The following ZNF124 variants were observed in gnomAD, a reference collection of about 807,000 sequenced individuals.
The protein encoded by ZNF124 is zinc finger protein HZF-16.
In ZNF124, 25 loss-of-function variants were observed where a neutral mutation model predicts 26.6. The ratio of observed to expected loss-of-function variants is 0.94; its 90% CI spans 0.68 to 1.31. The LOEUF is 1.31. Among genes scored for constraint, ZNF124 ranks in the 40% most tolerant of loss-of-function variants. The pLI is 0.00. For missense variants in ZNF124, 444 were observed against 422.2 expected (o/e 1.05, Z -0.45); for synonymous variants, 129 against 133.3 (o/e 0.97, Z 0.22).
At chr1:247,125,201 C>T (rs1277917853) in intron 3 of ZNF124, among the ~76,000 whole-genome samples, 4 of 152,138 alleles carry the variant, frequency 2.6e-5, no homozygotes, top group African/African-American at 7.2e-5. Context: ...TTGGCTGTTA[C>T]GAATGCTGCT....
chr1:247,159,370 T>C (rs1263093675), intron 2 of ZNF124, among the ~76,000 whole-genome samples: 1 of 152,214 alleles, frequency 6.6e-6, no homozygotes, highest in East Asian at 1.9e-4. Context: ...TGTGATCCCT[T>C]TGCACATGCC....
intron 3 of ZNF124, among the ~76,000 whole-genome samples, chr1:247,125,063 A>G (rs1467063526): frequency 6.6e-6 from 1 of 152,050 alleles, no homozygotes; most frequent in African/African-American, 2.4e-5. Flanking sequence ...TACGCCTCCC[A>G]AAGTGCTGGG....
intron 1 of ZNF124, 137 bp from the exon 2 acceptor site, chr1:247,159,950 C>T: frequency 6.5e-6 from 4 of 613,142 alleles, no homozygotes; most frequent in South Asian, 2.8e-5. Flanking sequence ...ATGACTCTGT[C>T]TACACTTCCT....
At chr1:247,140,189 ATTC>A (rs1473931368) in intron 3 of ZNF124, among the ~76,000 whole-genome samples, 4 of 152,096 alleles carry the variant, frequency 2.6e-5, no homozygotes, top group Admixed American at 2.6e-4. Flanking sequence ...GTTATTTTTT[ATTC>A]TTTTTAATTT....
At chr1:247,154,572 A>G (rs1673036685), downstream of ZNF124, among the ~76,000 whole-genome samples, 1 of 152,194 alleles carries the variant, frequency 6.6e-6, no homozygotes, top group Non-Finnish European at 1.5e-5. Context: ...AGGGTACTCA[A>G]ATTTCTTTCA....
chr1:247,156,682 C>T lies in ZNF124; in HGVS notation c.940G>A (p.Gly314Arg). 6.2e-7 allele frequency: 1 copy of T among 1,613,640 alleles called. No homozygotes were observed. Among genetic ancestry groups the T allele is most frequent in the Non-Finnish European group, 8.5e-7 (1 of 1,179,872 alleles). ...TTCTGACATTCATAGGGTTTCTCTC[C>T]AGTATGAGTCCTTTCATGGTCACGA... Reference protein sequence around the residue: ...SLRDHERTHTGEKPYECQKCG... With the variant: ...SLRDHERTHTREKPYECQKCG... Residue 314 changes from glycine (G) to arginine (R), a missense_variant, in exon 4 of 4, where the codon GGA becomes AGA. Coordinates refer to ENST00000543802, the MANE Select transcript of ZNF124 (RefSeq NM_001297568.2).
intron 3 of ZNF124, among the ~76,000 whole-genome samples, chr1:247,143,604 A>G (rs1002706016): frequency 1.1e-4 from 16 of 152,202 alleles, no homozygotes; most frequent in Non-Finnish European, 1.6e-4. Flanking sequence ...CTAGAAGTAC[A>G]ATGTTCTAAT....
rs368309439 is a variant in ZNF124 at position 247,156,967 on chromosome 1, T to C, written c.655A>G (p.Asn219Asp). The change falls in exon 4 of 4, where the codon AAT becomes GAT. Residue 219 changes from asparagine (N) to aspartate (D), a missense_variant. Transcript: ENST00000543802. ...GTTCTTTCATGGTAATGAAGGCAATTGGAGTAACGGAAGGCTTTCCCACAG... is the reference window on the plus strand; with the variant it reads ...GTTCTTTCATGGTAATGAAGGCAATCGGAGTAACGGAAGGCTTTCCCACAG... ...KHCGKAFRYS[N>D]CLHYHERTHT... 1.5e-5 allele frequency: 24 copies of C among 1,613,336 alleles called. No individual in the cohort carries two copies. The highest frequency in any genetic ancestry group is 2.0e-5 in the Non-Finnish European group (24 of 1,179,536).
rs1243921807 is a variant in ZNF124, at chr1:247,157,382, T to G, written c.240A>C (p.Gly80=). 11 of 1,552,714 alleles carry G rather than the reference T, an allele frequency of 7.1e-6. No individual in the cohort carries two copies. The highest frequency in any genetic ancestry group is 2.4e-5 in the East Asian group (1 of 40,936). ...ATTCCTCACACCCATATGGGTTGTT[T>G]CCAGAATGAGATATGATGTGCCTAT... ...RNLRHIISHS[G]NNPYGCEECG... is the part of the protein sequence containing the mutation. The change falls in exon 4 of 4, where the codon GGA becomes GGC. Residue 80 remains glycine, a synonymous_variant. Coordinates refer to ENST00000543802, the MANE Select transcript of ZNF124 (RefSeq NM_001297568.2).
At chr1:247,130,420 A>G (rs1672317329) in intron 3 of ZNF124, among the ~76,000 whole-genome samples, 1 of 152,184 alleles carries the variant, frequency 6.6e-6, no homozygotes. Flanking sequence ...ACGTTTTCAC[A>G]AGAAAGTATA....
At chr1:247,132,090 C>T (rs1672380971) in intron 3 of ZNF124, among the ~76,000 whole-genome samples, 1 of 152,196 alleles carries the variant, frequency 6.6e-6, no homozygotes, top group African/African-American at 2.4e-5. Context: ...CATCTTTGCT[C>T]TTCTCTAGCC....
chr1:247,135,463 A>G (rs77620006), intron 3 of ZNF124, among the ~76,000 whole-genome samples: 2 of 151,848 alleles, frequency 1.3e-5, no homozygotes, highest in African/African-American at 2.4e-5. Flanking sequence ...TTGGACTCCT[A>G]CCAAGACTAA....
At chr1:247,158,478 ATTCCTTT>A (rs1673281163) in intron 3 of ZNF124, among the ~76,000 whole-genome samples, 1 of 152,168 alleles carries the variant, frequency 6.6e-6, no homozygotes, top group Non-Finnish European at 1.5e-5. Context: ...CAGCCTAGGT[ATTCCTTT>A]ATAGCAATGC....
In ZNF124 at chr1:247,158,631, G is replaced by T. The variant is rs376740340; in HGVS notation, c.218+375C>A. On this transcript the variant is annotated intron_variant, in intron 3 of 3. Coordinates refer to ENST00000543802, the MANE Select transcript of ZNF124 (RefSeq NM_001297568.2). ...TGTCTTAATTTATTTTGTTTGCTTGGTTTTTTTTTTTCCCCGAGATGGTGT... is the reference window on the plus strand; with the variant it reads ...TGTCTTAATTTATTTTGTTTGCTTGTTTTTTTTTTTTCCCCGAGATGGTGT... Among the ~76,000 whole-genome samples the T allele has an allele frequency of 6.9e-3, 1,016 of 147,074 alleles. 50 individuals are homozygous for T. In the South Asian group the frequency reaches 0.13, roughly 19 times the overall value.
chr1:247,163,355 T>C (rs547246986), intron 1 of ZNF124, among the ~76,000 whole-genome samples: 17 of 147,354 alleles, frequency 1.2e-4, no homozygotes, highest in African/African-American at 3.8e-4. Flanking sequence ...ACTTCAGGAG[T>C]CAATTTTTTG....
chr1:247,159,429 C>A (rs1387509454), intron 2 of ZNF124, among the ~76,000 whole-genome samples: 1 of 152,202 alleles, frequency 6.6e-6, no homozygotes, highest in Non-Finnish European at 1.5e-5. Flanking sequence ...CAGGTCCTTA[C>A]CAGATGCAAC....
Position 247,157,078 on chromosome 1 carries a change from G to C in ZNF124, c.544C>G (p.Gln182Glu). 1 of 1,613,932 alleles carries C rather than the reference G, an allele frequency of 6.2e-7. No homozygotes were observed. Residue 182 changes from glutamine to glutamate, a missense_variant, in exon 4 of 4, where the codon CAA becomes GAA. By Grantham distance (29) the Gln-to-Glu change is conservative (BLOSUM62 2). Transcript: ENST00000543802. The stretch of plus-strand genomic sequence containing the variant: ...GAACGACTGAAGGCTTTCCCACATT[G>C]CTTACATTCATAGCGTTTTTCTCCA... ...HTGEKRYECKQCGKAFSRSSH... is the reference protein window; with the variant it reads ...HTGEKRYECKECGKAFSRSSH...
At chr1:247,137,828 A>G (rs1672523953) in intron 3 of ZNF124, among the ~76,000 whole-genome samples, 2 of 152,232 alleles carry the variant, frequency 1.3e-5, no homozygotes, top group African/African-American at 2.4e-5. Context: ...AAAAGAAGAC[A>G]TTTATGCATC....
chr1:247,143,610 C>G (rs894423720), intron 3 of ZNF124, among the ~76,000 whole-genome samples: 1 of 152,180 alleles, frequency 6.6e-6, no homozygotes, highest in Non-Finnish European at 1.5e-5. Context: ...GTACAATGTT[C>G]TAATTACTCC....
Sources: allele counts gnomAD v4.1 joint callset (sites outside exome capture counted in the v4.1 genomes callset), GRCh38; gene constraint gnomAD v4.1.1; transcripts MANE v1.5; gene names NCBI Gene and HGNC (gene_info 2026-07-23, HGNC 2026-07-21).